The following DDX49 variants were observed in gnomAD, a reference collection of about 807,000 sequenced individuals.
DDX49 encodes DEAD-box helicase 49.
In DDX49, 50 loss-of-function variants were observed where a neutral mutation model predicts 56.3. The observed-to-expected ratio is 0.89, with a 90% CI of 0.71 to 1.12. DDX49 has a LOEUF of 1.12. Ranked by LOEUF, DDX49 falls within the 50% of genes most tolerant of loss-of-function variation. The pLI is 0.00. For synonymous variants in DDX49, 269 were observed against 270.6 expected, an observed-to-expected ratio of 0.99 and a Z score of 0.06; for missense variants, 614 against 650.5, an observed-to-expected ratio of 0.94 and a Z score of 0.61.
rs1035836622 is a variant in DDX49, at chr19:18,922,161, G to A, written c.448-165G>A. ...CCAGTCCTAGCAATGTTATTCGGGGGTAGGGCCTTGCTGAGACTTGGGTGA... is the reference window on the plus strand; with the variant it reads ...CCAGTCCTAGCAATGTTATTCGGGGATAGGGCCTTGCTGAGACTTGGGTGA... On this transcript the variant is annotated intron_variant, in intron 4 of 12. Transcript: ENST00000247003. 32 of 1,159,064 alleles carry A rather than the reference G, an allele frequency of 2.8e-5. 1 individual carries two copies. The highest frequency in any genetic ancestry group is 7.1e-5 in the Admixed American group (3 of 42,496). 71.8% of individuals were successfully genotyped at this position (1,159,064 alleles called of 1,614,324 possible).
At chr19:18,926,166 T>C in intron 9 of DDX49, 137 bp from the exon 10 acceptor site, 1 of 887,564 alleles carries the variant, frequency 1.1e-6, no homozygotes, top group South Asian at 1.7e-5. Context: ...CCAGACACTC[T>C]GGGCTGATCC....
Position 18,924,219 on chromosome 19 carries a change from A to G in DDX49, c.777-14A>G, listed in dbSNP as rs2056942149. ...GAGAGCTGGAGGGGTTGACAGGCACATCCTTCCCGCCAGGACCTGCCAGAT... is the reference window on the plus strand; with the variant it reads ...GAGAGCTGGAGGGGTTGACAGGCACGTCCTTCCCGCCAGGACCTGCCAGAT... On this transcript the variant is annotated splice_polypyrimidine_tract_variant and intron_variant, in intron 6 of 12. Transcript: ENST00000247003. The G allele has an allele frequency of 3.7e-6, 6 of 1,613,712 alleles. No homozygotes were observed. In the East Asian group the frequency reaches 1.1e-4, roughly 30 times the overall value.
At chr19:18,922,245 C>T in intron 4 of DDX49, 81 bp from the exon 5 acceptor site, 1 of 1,521,354 alleles carries the variant, frequency 6.6e-7, no homozygotes, top group Non-Finnish European at 8.9e-7. Context: ...GTCCATGCCT[C>T]TCAAAGAGGC....
intron 9 of DDX49, among the ~76,000 whole-genome samples, chr19:18,926,000 A>G (rs1293808482): frequency 6.6e-6 from 1 of 152,234 alleles, no homozygotes. Flanking sequence ...GAGGCCCGTC[A>G]GGGCTAATGG....
intron 12 of DDX49, 42 bp downstream of exon 12, chr19:18,928,078 C>T (rs760754664): frequency 2.5e-6 from 4 of 1,612,856 alleles, no homozygotes; most frequent in Non-Finnish European, 3.4e-6. Context: ...TGGCCAGGTT[C>T]CCTGGCGGGG....
intron 9 of DDX49, 145 bp downstream of exon 9, chr19:18,925,124 C>A: frequency 1.1e-6 from 1 of 933,764 alleles, no homozygotes; most frequent in Non-Finnish European, 1.5e-6. Context: ...GTTGTCCTTT[C>A]TAAAGCAAAG....
Position 18,922,745 on chromosome 19 carries a change from G to A in DDX49, c.776+1G>A. ...TTATCATCTTCACCAACACGTGCAA[G>A]TGAGCGGGGCCCGCCTCTCCCCTCC... On this transcript the variant is annotated splice_donor_variant, in intron 6 of 12. Coordinates refer to ENST00000247003, the MANE Select transcript of DDX49 (RefSeq NM_019070.5). LOFTEE classifies it high-confidence loss of function. 1 of 1,604,798 alleles carries A rather than the reference G, an allele frequency of 6.2e-7. No homozygotes were observed. Among genetic ancestry groups the A allele is most frequent in the Non-Finnish European group, 8.5e-7 (1 of 1,175,066 alleles).
At chr19:18,926,436 C>T in intron 10 of DDX49, 59 bp downstream of exon 10, 1 of 1,259,920 alleles carries the variant, frequency 7.9e-7, no homozygotes, top group Non-Finnish European at 1.1e-6. Context: ...GAGGTGGGCA[C>T]CTCGGGGTGA....
At chr19:18,923,842 C>T (rs2056938640) in intron 6 of DDX49, among the ~76,000 whole-genome samples, 2 of 147,544 alleles carry the variant, frequency 1.4e-5, no homozygotes, top group African/African-American at 5.0e-5. Flanking sequence ...GAGTCTCACG[C>T]TGTCCCCCAG....
chr19:18,923,202 C>T (rs8109947), intron 6 of DDX49, among the ~76,000 whole-genome samples: 10,724 of 152,142 alleles, frequency 0.07, 433 homozygotes, highest in Middle Eastern at 0.11. Flanking sequence ...GAAATCAAGG[C>T]GCTTTAAATG....
In DDX49 at chr19:18,919,800, TG is replaced by T. The variant is rs746629828; in HGVS notation, c.62del (p.Gly21ValfsTer2). Reference sequence around the variant, plus strand: ...TGGCTCGTGGAACAATGTCGGCAGCTGGGTTTGAAGCAGCCCACGCCCGTGC... The same window carrying T: ...TGGCTCGTGGAACAATGTCGGCAGCTGGTTTGAAGCAGCCCACGCCCGTGC... ...SSWLVEQCRQ[L>X]GLKQPTPVQL... On this transcript the variant is annotated frameshift_variant, in exon 1 of 13. Transcript: ENST00000247003. LOFTEE classifies it high-confidence loss of function. 28 of 1,612,706 alleles carry T rather than the reference TG, an allele frequency of 1.7e-5. No individual in the cohort carries two copies. Among genetic ancestry groups the T allele is most frequent in the Non-Finnish European group, 2.4e-5 (28 of 1,179,394 alleles).
In DDX49 at chr19:18,926,299, A is replaced by G. The variant is rs1012727260; in HGVS notation, c.1028-4A>G. On this transcript the variant is annotated splice_region_variant and splice_polypyrimidine_tract_variant and intron_variant, in intron 9 of 12. Transcript: ENST00000247003. ...CATAGCAGATAACCGGCACATCCCC[A>G]CAGGGCGGCAGGGTCAGGCCATCAC... is the stretch of plus-strand genomic sequence containing the variant. The G allele has an allele frequency of 6.4e-7, 1 of 1,569,928 alleles. No individual in the cohort carries two copies. Among genetic ancestry groups the G allele is most frequent in the African/African-American group, 1.3e-5 (1 of 74,386 alleles).
chr19:18,927,821 A>G lies in DDX49; in HGVS notation c.1158A>G (p.Thr386=), dbSNP rs2056974378. 5 of 1,613,934 alleles carry G rather than the reference A, an allele frequency of 3.1e-6. No homozygotes were observed. The highest frequency in any genetic ancestry group is 1.1e-5 in the South Asian group (1 of 91,064). The change falls in exon 11 of 13, where the codon ACA becomes ACG. Residue 386 remains threonine (T), a synonymous_variant. Transcript: ENST00000247003. ...VEEAEVLQIL[T]QVNVVRRECE... is the part of the protein sequence containing the mutation. ...AGGCCGAGGTGCTACAGATCCTCAC[A>G]CAGGTCAACGTGGTGCGAAGAGAGT...
chr19:18,922,824 C>A, intron 6 of DDX49, 80 bp downstream of exon 6: 1 of 1,525,200 alleles, frequency 6.6e-7, no homozygotes, highest in Non-Finnish European at 8.9e-7. Flanking sequence ...GGACACACAG[C>A]CAGTCTCAGC....
intron 4 of DDX49, 77 bp downstream of exon 4, chr19:18,922,041 C>T: frequency 6.6e-7 from 1 of 1,524,266 alleles, no homozygotes. Context: ...CCTGGGGCAC[C>T]ATCTCATCCA....
rs144046113 is a variant in DDX49 at position 18,927,800 on chromosome 19, C to A, written c.1137C>A (p.Ala379=). ...TGGAGGAGTTCTCCGTGGAAGAGGC[C>A]GAGGTGCTACAGATCCTCACACAGG... The part of the protein sequence containing the change: ...KKLEEFSVEE[A]EVLQILTQVN... The change falls in exon 11 of 13, where the codon GCC becomes GCA. Residue 379 remains alanine, a synonymous_variant. Coordinates refer to ENST00000247003, the MANE Select transcript of DDX49 (RefSeq NM_019070.5). 5.6e-6 allele frequency: 9 copies of A among 1,613,802 alleles called. No individual in the cohort carries two copies. Among genetic ancestry groups the A allele is most frequent in the Middle Eastern group, 1.6e-4 (1 of 6,080 alleles).
At position 18,921,957 on chromosome 19, in the gene DDX49, G is replaced by A. The variant is rs146434882; in HGVS notation, c.440G>A (p.Arg147His). Residue 147 changes from arginine (R) to histidine (H), a missense_variant, in exon 4 of 13, where the codon CGC (arginine) becomes CAC (histidine). Physicochemically the swap from Arg to His is conservative, Grantham distance 29. Coordinates refer to ENST00000247003, the MANE Select transcript of DDX49 (RefSeq NM_019070.5). ...SSNTFSIKKI[R>H]FLVMDEADRL... ...AACACTTTTAGTATAAAGAAGATCC[G>A]CTTCCTGGTGAGTTCGCCCCGCCCC... is the stretch of plus-strand genomic sequence containing the variant. 60 of 1,607,820 alleles carry A rather than the reference G, an allele frequency of 3.7e-5. No homozygotes were observed. The highest frequency in any genetic ancestry group is 3.6e-4 in the African/African-American group (27 of 74,960).
chr19:18,924,100 G>A, intron 6 of DDX49, 133 bp from the exon 7 acceptor site: 2 of 843,156 alleles, frequency 2.4e-6, no homozygotes, highest in Non-Finnish European at 2.0e-6. Flanking sequence ...GAGCCACCGT[G>A]CCTGGCCTGC....
chr19:18,922,631 G>A lies in DDX49; in HGVS notation c.663G>A (p.Gln221=). The part of the protein sequence containing the change: ...APVSTVEQLD[Q]RYLLVPEKVK... ...TGAGCACCGTGGAGCAGCTGGACCA[G>A]CGCTACCTGCTGGTGCCTGAGAAGG... Residue 221 remains glutamine (Q), a synonymous_variant, in exon 6 of 13, where the codon CAG becomes CAA. Transcript: ENST00000247003. The A allele has an allele frequency of 6.2e-7, 1 of 1,613,832 alleles. No homozygotes were observed. The highest frequency in any genetic ancestry group is 8.5e-7 in the Non-Finnish European group (1 of 1,179,978).
Sources: allele counts gnomAD v4.1 joint callset (sites outside exome capture counted in the v4.1 genomes callset), GRCh38; gene constraint gnomAD v4.1.1; transcripts MANE v1.5; gene names NCBI Gene and HGNC (gene_info 2026-07-23, HGNC 2026-07-21).